CFAP61: variants seen among roughly 807,000 people sequenced by gnomAD.
CFAP61 encodes cilia and flagella associated protein 61.
In CFAP61, 107 loss-of-function variants were observed where a neutral mutation model predicts 135.6. The ratio of observed to expected loss-of-function variants is 0.79; its 90% CI spans 0.67 to 0.93. The LOEUF (loss-of-function observed/expected upper bound fraction) is 0.93, where lower values mean the gene tolerates loss of function less well. Among genes scored for constraint, CFAP61 ranks in the 40% least tolerant of loss-of-function variants. The pLI, the probability that CFAP61 is intolerant of heterozygous loss-of-function variation, is 0.00. For synonymous variants in CFAP61, 575 were observed against 578.5 expected, an observed-to-expected ratio of 0.99 and a Z score of 0.09; for missense variants, 1,507 against 1,556.2, an observed-to-expected ratio of 0.97 and a Z score of 0.53.
At chr20:20,244,623 G>A (rs567484324) in intron 18 of CFAP61, among the ~76,000 whole-genome samples, 164 of 152,368 alleles carry the variant, frequency 1.1e-3, no homozygotes, top group Middle Eastern at 3.4e-3. Context: ...CCTATGATGG[G>A]AGGGGCTGCT....
intron 26 of CFAP61, among the ~76,000 whole-genome samples, chr20:20,357,803 G>A (rs2059292092): frequency 3.8e-5 from 1 of 26,574 alleles, no homozygotes; most frequent in Admixed American, 3.7e-4. Flanking sequence ...GTGCGGGGAG[G>A]TGGTCATACT....
chr20:20,133,161 A>G (rs569916134), intron 8 of CFAP61, among the ~76,000 whole-genome samples: 3 of 152,322 alleles, frequency 2.0e-5, no homozygotes, highest in East Asian at 1.9e-4. Context: ...TGTTGATTCT[A>G]TTACTTCTTG....
intron 8 of CFAP61, among the ~76,000 whole-genome samples, chr20:20,101,867 A>G (rs1169279452): frequency 6.6e-6 from 1 of 152,130 alleles, no homozygotes; most frequent in Admixed American, 6.5e-5. Flanking sequence ...GCCTCAGGTG[A>G]TCCGCCCACC....
intron 24 of CFAP61, among the ~76,000 whole-genome samples, chr20:20,296,169 C>T (rs111212271): frequency 0.48 from 9,143 of 18,910 alleles, 3,459 homozygotes; most frequent in Middle Eastern, 0.57. Flanking sequence ...TTCATTCCTT[C>T]CTTCCCTCCT....
intron 26 of CFAP61, among the ~76,000 whole-genome samples, chr20:20,351,756 T>G (rs552625269): frequency 6.6e-6 from 1 of 152,074 alleles, no homozygotes; most frequent in South Asian, 2.1e-4. Context: ...CACAAATAAA[T>G]GGAAAGATAT....
chr20:20,274,586 GA>G (rs1231778761), intron 21 of CFAP61, among the ~76,000 whole-genome samples: 2 of 152,114 alleles, frequency 1.3e-5, no homozygotes, highest in African/African-American at 4.8e-5. Flanking sequence ...GCTTGAACCT[GA>G]AAGGTGGAGG....
chr20:20,346,301 G>A (rs1444316126), intron 26 of CFAP61, among the ~76,000 whole-genome samples: 2 of 150,070 alleles, frequency 1.3e-5, no homozygotes, highest in South Asian at 2.1e-4. Context: ...TGGATCGCCC[G>A]AGGTCAGGAG....
chr20:20,172,276 A>T, intron 13 of CFAP61: 10 of 984,104 alleles, frequency 1.0e-5, no homozygotes, highest in Non-Finnish European at 1.2e-5. Context: ...CTGACTTTGC[A>T]TTATGTCTAT....
intron 6 of CFAP61, among the ~76,000 whole-genome samples, chr20:20,081,549 C>A (rs1295892374): frequency 1.3e-5 from 2 of 152,128 alleles, no homozygotes; most frequent in Non-Finnish European, 2.9e-5. Context: ...ATGCAGGGTG[C>A]AGGAGAAAAG....
chr20:20,084,446 C>G (rs904457411), intron 6 of CFAP61, among the ~76,000 whole-genome samples: 23 of 148,414 alleles, frequency 1.5e-4, no homozygotes, highest in African/African-American at 6.0e-4. Context: ...TGCTGTCACT[C>G]CAGTCCTTAA....
intron 6 of CFAP61, among the ~76,000 whole-genome samples, chr20:20,077,822 A>T (rs1307113637): frequency 6.8e-6 from 1 of 146,372 alleles, no homozygotes; most frequent in Non-Finnish European, 1.5e-5. Context: ...GGTTGTGGAG[A>T]CAGAGGTTCT....
At position 20,122,842 on chromosome 20, in the gene CFAP61, C is replaced by T. The variant is rs556567809; in HGVS notation, c.860-20015C>T. On this transcript the variant is annotated intron_variant, in intron 8 of 26. Coordinates refer to ENST00000245957, the MANE Select transcript of CFAP61 (RefSeq NM_015585.4). The stretch of plus-strand genomic sequence containing the variant: ...TTAGTTCTTCAAGAAATGTCCACAC[C>T]GTTTTCCATAGAGGTTGTACTAGTT... Among the ~76,000 whole-genome samples the T allele has an allele frequency of 4.7e-5, 7 of 149,296 alleles. No homozygotes were observed. The East Asian group carries it at 9.6e-4, about 21-fold the overall frequency.
chr20:20,190,128 C>T (rs1419880926), intron 14 of CFAP61, among the ~76,000 whole-genome samples: 1 of 152,202 alleles, frequency 6.6e-6, no homozygotes, highest in Non-Finnish European at 1.5e-5. Context: ...ATCTTATGGC[C>T]TAACATTTGC....
At chr20:20,091,075 G>T (rs2047165933) in intron 7 of CFAP61, 99 bp downstream of exon 7, 23 of 1,412,242 alleles carry the variant, frequency 1.6e-5, no homozygotes, top group Non-Finnish European at 2.3e-5. Context: ...AGCTGCCATT[G>T]TCTCCCTGGC....
Position 20,052,546 on chromosome 20 carries a change from C to T in CFAP61, c.-82C>T, listed in dbSNP as rs766122480. 1.9e-6 allele frequency: 3 copies of T among 1,614,180 alleles called. No individual in the cohort carries two copies. The highest frequency in any genetic ancestry group is 1.1e-5 in the South Asian group (1 of 91,088). On this transcript the variant is annotated 5_prime_UTR_variant, in exon 1 of 27. Transcript: ENST00000245957. ...CCATGGTGACCAGGCTGCGCGTCCT[C>T]CTTGCGGCAGCGCGTGGAGTGCGGC...
intron 11 of CFAP61, 24 bp downstream of exon 11, chr20:20,164,252 C>T: frequency 6.3e-7 from 1 of 1,585,064 alleles, no homozygotes; most frequent in South Asian, 1.1e-5. Context: ...TTCTGGCTGG[C>T]TGTCACAGTG....
rs62200186 is a variant in CFAP61 at position 20,314,625 on chromosome 20, G to T, written c.3422+16239G>T. Among the ~76,000 whole-genome samples the T allele has an allele frequency of 2.9e-3, 401 of 139,284 alleles. 3 individuals are homozygous for T. The highest frequency in any genetic ancestry group is 9.6e-3 in the African/African-American group (348 of 36,402). 91.4% of individuals were successfully genotyped at this position (139,284 alleles called of 152,430 possible). On this transcript the variant is annotated intron_variant, in intron 25 of 26. Coordinates refer to ENST00000245957, the MANE Select transcript of CFAP61 (RefSeq NM_015585.4). ...TATGTATACATGTGCCATGCTGGTG[G>T]GCTGCACCCACTAACTCGTCATCTA... is the stretch of plus-strand genomic sequence containing the variant.
chr20:20,098,258 A>C (rs924390640), intron 7 of CFAP61, among the ~76,000 whole-genome samples: 1 of 152,148 alleles, frequency 6.6e-6, no homozygotes, highest in South Asian at 2.1e-4. Flanking sequence ...CCAGCCGACC[A>C]CATTCTGAGG....
intron 6 of CFAP61, chr20:20,085,016 G>A: frequency 1.5e-6 from 1 of 650,720 alleles, no homozygotes; most frequent in Non-Finnish European, 1.9e-6. Context: ...GCACATTGCT[G>A]CCCCCTCCAA....
Sources: allele counts gnomAD v4.1 joint callset (sites outside exome capture counted in the v4.1 genomes callset), GRCh38; gene constraint gnomAD v4.1.1; transcripts MANE v1.5; gene names NCBI Gene and HGNC (gene_info 2026-07-23, HGNC 2026-07-21).